Variants in MAGI1 observed in about 807,000 individuals in gnomAD.
MAGI1 encodes the protein membrane-associated guanylate kinase, WW and PDZ domain-containing protein 1.
In MAGI1, 58 loss-of-function variants were observed where a neutral mutation model predicts 139.9. The ratio of observed to expected loss-of-function variants is 0.41; its 90% CI spans 0.34 to 0.52. MAGI1 has a LOEUF of 0.52. Among genes scored for constraint, MAGI1 ranks in the 20% least tolerant of loss-of-function variants. MAGI1 has a pLI of 0.12. For missense variants in MAGI1, 1,874 were observed against 1,901.6 expected (o/e 0.99, Z 0.27); for synonymous variants, 812 against 737.9 (o/e 1.10, Z -1.63).
intron 12 of MAGI1, among the ~76,000 whole-genome samples, chr3:65,404,780 G>A (rs1945198262): frequency 6.6e-6 from 1 of 152,310 alleles, no homozygotes; most frequent in South Asian, 2.1e-4. Context: ...TATCAAAGGA[G>A]ATAGCGAGTA....
chr3:65,460,707 C>A (rs1021134160), intron 5 of MAGI1, among the ~76,000 whole-genome samples: 4 of 152,016 alleles, frequency 2.6e-5, no homozygotes, highest in African/African-American at 9.7e-5. Context: ...ACCCACCACC[C>A]TCCAACAGGT....
Position 65,356,120 on chromosome 3 carries a change from C to T in MAGI1, c.*258G>A, listed in dbSNP as rs1189445287. The stretch of plus-strand genomic sequence containing the variant: ...GTTACGTAGAAACAAAATTTATATC[C>T]CTTTGGGCCAGCATTTGGCAAATAA... On this transcript the variant is annotated 3_prime_UTR_variant, in exon 23 of 23. Coordinates refer to ENST00000402939, the MANE Select transcript of MAGI1 (RefSeq NM_001033057.2). 6.3e-6 allele frequency: 2 copies of T among 316,582 alleles called. No individual in the cohort carries two copies. Among genetic ancestry groups the T allele is most frequent in the South Asian group, 1.1e-4 (1 of 8,822 alleles). The allele number at this position is 316,582 out of a possible 1,614,324, so 19.6% of individuals were successfully genotyped here.
chr3:65,412,338 A>T (rs1158602049), intron 12 of MAGI1, among the ~76,000 whole-genome samples: 1 of 152,196 alleles, frequency 6.6e-6, no homozygotes, highest in Non-Finnish European at 1.5e-5. Context: ...TCAGAGAGCC[A>T]ACCAGAGATC....
At chr3:65,705,442 G>A (rs1447712747) in intron 1 of MAGI1, among the ~76,000 whole-genome samples, 1 of 152,170 alleles carries the variant, frequency 6.6e-6, no homozygotes, top group African/African-American at 2.4e-5. Context: ...AGCATTCACT[G>A]AATTGTATAC....
chr3:65,469,561 A>T (rs1950421871), intron 5 of MAGI1, among the ~76,000 whole-genome samples: 1 of 152,018 alleles, frequency 6.6e-6, no homozygotes, highest in African/African-American at 2.4e-5. Context: ...TCTGTTCTCA[A>T]ACCTAATTCA....
intron 1 of MAGI1, among the ~76,000 whole-genome samples, chr3:65,813,511 G>GA (rs1245239584): frequency 3.3e-5 from 5 of 152,138 alleles, no homozygotes; most frequent in Non-Finnish European, 7.4e-5. Context: ...CAACTACTCA[G>GA]AAAAAATATA....
chr3:65,536,717 A>G (rs4688240), intron 2 of MAGI1, among the ~76,000 whole-genome samples: 18,712 of 152,200 alleles, frequency 0.12, 1,393 homozygotes, highest in Admixed American at 0.16. Flanking sequence ...ACCAGATTCA[A>G]TCTTGGGACA....
At chr3:65,624,365 C>A (rs1298082386) in intron 1 of MAGI1, among the ~76,000 whole-genome samples, 1 of 151,418 alleles carries the variant, frequency 6.6e-6, no homozygotes, top group Non-Finnish European at 1.5e-5. Flanking sequence ...AAATTGGAAA[C>A]AACCCAAATG....
intron 1 of MAGI1, among the ~76,000 whole-genome samples, chr3:65,674,922 G>T (rs1430591627): frequency 6.6e-6 from 1 of 152,160 alleles, no homozygotes; most frequent in East Asian, 1.9e-4. Flanking sequence ...TGTAGACACT[G>T]AAAAATGCAT....
At chr3:65,791,730 G>A (rs967373663) in intron 1 of MAGI1, among the ~76,000 whole-genome samples, 1 of 152,154 alleles carries the variant, frequency 6.6e-6, no homozygotes, top group Non-Finnish European at 1.5e-5. Flanking sequence ...TGTTTTGTGT[G>A]TGTGTGTGTT....
intron 1 of MAGI1, among the ~76,000 whole-genome samples, chr3:65,997,395 G>A (rs550460860): frequency 1.1e-4 from 16 of 152,166 alleles, no homozygotes; most frequent in African/African-American, 2.4e-4. Flanking sequence ...GGTGGCTCAC[G>A]CCTGTAATCC....
chr3:65,872,294 T>C (rs2059964920), intron 1 of MAGI1, among the ~76,000 whole-genome samples: 1 of 152,228 alleles, frequency 6.6e-6, no homozygotes, highest in Non-Finnish European at 1.5e-5. Context: ...AGCTAGTAAA[T>C]GGCAGAGCTA....
At position 65,368,090 on chromosome 3, in the gene MAGI1, G is replaced by A. The variant is rs373597893; in HGVS notation, c.3197-3144C>T. Among the ~76,000 whole-genome samples the A allele has an allele frequency of 7.2e-5, 11 of 152,206 alleles. No homozygotes were observed. The South Asian group carries it at 1.2e-3, about 17-fold the overall frequency. On this transcript the variant is annotated intron_variant, in intron 18 of 22. Transcript: ENST00000402939. ...TGTATTTGCTGAAATGCTCTCTAGCGCTTTAAAATATAAAGATGAGCCCAT... is the reference window on the plus strand; with the variant it reads ...TGTATTTGCTGAAATGCTCTCTAGCACTTTAAAATATAAAGATGAGCCCAT...
At chr3:65,411,039 C>G (rs1945755073) in intron 12 of MAGI1, among the ~76,000 whole-genome samples, 2 of 152,108 alleles carry the variant, frequency 1.3e-5, no homozygotes, top group East Asian at 3.9e-4. Flanking sequence ...AGAAAAAGAA[C>G]CGTTAACTTA....
intron 1 of MAGI1, among the ~76,000 whole-genome samples, chr3:66,005,772 C>T (rs2066982701): frequency 1.3e-5 from 2 of 152,164 alleles, no homozygotes; most frequent in South Asian, 4.1e-4. Context: ...GGACAAGAAA[C>T]ATACCACAAA....
intron 1 of MAGI1, among the ~76,000 whole-genome samples, chr3:65,796,832 T>A (rs976858688): frequency 1.5e-4 from 23 of 152,198 alleles, no homozygotes; most frequent in Non-Finnish European, 1.9e-4. Flanking sequence ...GTACTATACA[T>A]GACAAATGGG....
At chr3:65,486,183 A>G (rs1426896982) in intron 3 of MAGI1, among the ~76,000 whole-genome samples, 1 of 152,228 alleles carries the variant, frequency 6.6e-6, no homozygotes, top group African/African-American at 2.4e-5. Flanking sequence ...CCTTCTAGGA[A>G]GCAAAACAAT....
chr3:65,393,411 T>C (rs1361647424), intron 13 of MAGI1, among the ~76,000 whole-genome samples: 2 of 152,178 alleles, frequency 1.3e-5, no homozygotes, highest in Non-Finnish European at 2.9e-5. Context: ...TACTTTCCCA[T>C]ATTACCTACC....
intron 1 of MAGI1, among the ~76,000 whole-genome samples, chr3:65,930,632 A>G (rs930516764): frequency 6.6e-6 from 1 of 152,148 alleles, no homozygotes; most frequent in Non-Finnish European, 1.5e-5. Flanking sequence ...ACAGGATCAG[A>G]TTGGTCGGCA....
Sources: allele counts gnomAD v4.1 joint callset (sites outside exome capture counted in the v4.1 genomes callset), GRCh38; gene constraint gnomAD v4.1.1; transcripts MANE v1.5; gene names NCBI Gene and HGNC (gene_info 2026-07-23, HGNC 2026-07-21).